Variants in PDAP1 observed in about 807,000 individuals in gnomAD.
The protein encoded by PDAP1 is 28 kDa heat- and acid-stable phosphoprotein.
In PDAP1, 13 loss-of-function variants were observed where a neutral mutation model predicts 28.0. The observed-to-expected ratio is 0.46, with a 90% CI of 0.30 to 0.74. PDAP1 has a LOEUF of 0.74. Ranked by LOEUF, PDAP1 falls within the 30% of genes least tolerant of loss-of-function variation. The pLI is 0.07. For synonymous variants in PDAP1, 77 were observed against 85.1 expected (o/e 0.91, Z 0.52); for missense variants, 150 against 230.0 (o/e 0.65, Z 2.25).
At chr7:99,406,634 T>C in intron 1 of PDAP1, 3 of 984,670 alleles carry the variant, frequency 3.0e-6, no homozygotes, top group Non-Finnish European at 3.6e-6. Context: ...CAAGGTGGCA[T>C]CCCCCTCTGC....
At chr7:99,406,660 C>T (rs1794977261) in intron 1 of PDAP1, 1 of 963,232 alleles carries the variant, frequency 1.0e-6, no homozygotes, top group Non-Finnish European at 1.2e-6. Context: ...CCCAAGTATG[C>T]AAGGGTGGCT....
chr7:99,394,779 TAAAA>T lies in PDAP1; in HGVS notation c.*1899_*1902del, dbSNP rs773085531. ...GTGGAGGTAATAAAATGCAACTGTG[TAAAA>T]AAAAAAAAAAAAAAAAAAGTAATTA... On this transcript the variant is annotated 3_prime_UTR_variant, in exon 6 of 6. Coordinates refer to ENST00000350498, the MANE Select transcript of PDAP1 (RefSeq NM_014891.7). 1,791 of 953,268 alleles carry T rather than the reference TAAAA, an allele frequency of 1.9e-3. No individual in the cohort carries two copies. Among genetic ancestry groups the T allele is most frequent in the East Asian group, 4.0e-3 (65 of 16,370 alleles). The allele number at this position is 953,268 out of a possible 1,614,324, so 59.1% of individuals were successfully genotyped here.
Position 99,395,017 on chromosome 7 carries a change from C to A in PDAP1, c.*1665G>T. On this transcript the variant is annotated 3_prime_UTR_variant, in exon 6 of 6. Coordinates refer to ENST00000350498, the MANE Select transcript of PDAP1 (RefSeq NM_014891.7). ...TGCCAACAAAATTGATCCTGAAGCC[C>A]AACGGCCTTATGCCAAATGGTTCCC... 2 of 226,188 alleles carry A rather than the reference C, an allele frequency of 8.8e-6. No homozygotes were observed. The highest frequency in any genetic ancestry group is 1.6e-5 in the Non-Finnish European group (2 of 127,270). 14.0% of individuals were successfully genotyped at this position (226,188 alleles called of 1,614,324 possible).
chr7:99,406,764 T>C (rs1421416038), intron 1 of PDAP1, among the ~76,000 whole-genome samples: 4 of 152,222 alleles, frequency 2.6e-5, no homozygotes, highest in Admixed American at 2.0e-4. Context: ...AGAGTTGCTC[T>C]GCACTCCAGA....
rs757857148 is a variant in PDAP1, at chr7:99,397,959, G to A, written c.390C>T (p.Ala130=). The change falls in exon 5 of 6, where the codon GCC becomes GCT. Residue 130 remains alanine, a synonymous_variant. Coordinates refer to ENST00000350498, the MANE Select transcript of PDAP1 (RefSeq NM_014891.7). ...CAGCCTTGGCTTGCTCTGTCTTCCC[G>A]GCCAAGTGCATTTTCATGTAACGCT... ...AKERYMKMHL[A]GKTEQAKADL... is the part of the protein sequence containing the mutation. 26 of 1,614,084 alleles carry A rather than the reference G, an allele frequency of 1.6e-5. No individual in the cohort carries two copies. The highest frequency in any genetic ancestry group is 2.2e-5 in the East Asian group (1 of 44,898).
At chr7:99,396,909 G>GGCCCCC (rs1794778752) in intron 5 of PDAP1, among the ~76,000 whole-genome samples, 169 bp from the exon 6 acceptor site, 1 of 151,926 alleles carries the variant, frequency 6.6e-6, no homozygotes, top group Admixed American at 6.6e-5. Context: ...TGTAACCCCG[G>GGCCCCC]GCCCCCCGAC....
In PDAP1 at chr7:99,403,388, A is replaced by G; in HGVS notation, c.213+10T>C. ...AGTCCAGGCTCTAGGCCCTCAAAAG[A>G]ACTCAGTACCTGGTAGTCATCTTCT... is the stretch of plus-strand genomic sequence containing the variant. On this transcript the variant is annotated intron_variant, in intron 3 of 5. Transcript: ENST00000350498. The G allele has an allele frequency of 1.3e-6, 2 of 1,528,674 alleles. No individual in the cohort carries two copies. Among genetic ancestry groups the G allele is most frequent in the Non-Finnish European group, 1.8e-6 (2 of 1,102,110 alleles). 94.7% of individuals were successfully genotyped at this position (1,528,674 alleles called of 1,614,324 possible). A position where few individuals can be genotyped will look rare whatever the true frequency, so the allele number is the denominator to read the frequency against.
chr7:99,403,316 G>T, intron 3 of PDAP1, 82 bp downstream of exon 3: 1 of 823,276 alleles, frequency 1.2e-6, no homozygotes, highest in Non-Finnish European at 2.1e-6. Flanking sequence ...ATCTACCTTT[G>T]GGACTAGTAC....
intron 3 of PDAP1, among the ~76,000 whole-genome samples, 164 bp from the exon 4 acceptor site, chr7:99,400,588 G>A (rs977040393): frequency 6.6e-6 from 1 of 152,144 alleles, no homozygotes; most frequent in Non-Finnish European, 1.5e-5. Context: ...TAGCTCTCTG[G>A]AGCATCTTCA....
chr7:99,400,619 A>G (rs559415601), intron 3 of PDAP1, among the ~76,000 whole-genome samples, 195 bp from the exon 4 acceptor site: 2 of 152,346 alleles, frequency 1.3e-5, no homozygotes, highest in East Asian at 3.9e-4. Context: ...AAGAGCCCAC[A>G]GAACGGCTGC....
chr7:99,407,897 A>C (rs1795014040), intron 1 of PDAP1, among the ~76,000 whole-genome samples: 2 of 152,230 alleles, frequency 1.3e-5, no homozygotes. Flanking sequence ...TTCACTGGGC[A>C]CTTTTAACGA....
At chr7:99,398,990 G>A (rs1264076896) in intron 4 of PDAP1, among the ~76,000 whole-genome samples, 3 of 152,232 alleles carry the variant, frequency 2.0e-5, no homozygotes, top group Admixed American at 2.0e-4. Context: ...ATCTTCCCAA[G>A]CTTGAGATTC....
At chr7:99,397,690 C>T (rs1454675405) in intron 5 of PDAP1, among the ~76,000 whole-genome samples, 172 bp downstream of exon 5, 2 of 152,198 alleles carry the variant, frequency 1.3e-5, no homozygotes, top group Non-Finnish European at 2.9e-5. Flanking sequence ...CCTCCTGGTC[C>T]CCGAGGGAGT....
chr7:99,395,718 G>C lies in PDAP1; in HGVS notation c.*964C>G, dbSNP rs1794742957. 6.6e-6 allele frequency: 1 copy of C among 152,220 alleles called. No individual in the cohort carries two copies. Among genetic ancestry groups the C allele is most frequent in the South Asian group, 2.1e-4 (1 of 4,830 alleles). The allele number at this position is 152,220 out of a possible 1,614,324, so 9.4% of individuals were successfully genotyped here. On this transcript the variant is annotated 3_prime_UTR_variant, in exon 6 of 6. Coordinates refer to ENST00000350498, the MANE Select transcript of PDAP1 (RefSeq NM_014891.7). Reference sequence around the variant, plus strand: ...ACAGGCCAGGCCAGGCCAGGATCCTGGTGCTGCTTCAGCCTACTGTGGCCT... The same window carrying C: ...ACAGGCCAGGCCAGGCCAGGATCCTCGTGCTGCTTCAGCCTACTGTGGCCT...
rs991103119 is a variant in PDAP1, at chr7:99,403,638, G to A, written c.106-133C>T. 3 of 726,420 alleles carry A rather than the reference G, an allele frequency of 4.1e-6. No homozygotes were observed. In the African/African-American group the frequency reaches 5.2e-5, roughly 13 times the overall value. 45.0% of individuals were successfully genotyped at this position (726,420 alleles called of 1,614,324 possible). A position where few individuals can be genotyped will look rare whatever the true frequency, so the allele number is the denominator to read the frequency against. The stretch of plus-strand genomic sequence containing the variant: ...AAGGCTGGAACCAAGGATGACAAGG[G>A]TCCTACTGTGACCCTGGCCCCCAGG... On this transcript the variant is annotated intron_variant, in intron 2 of 5. Transcript: ENST00000350498.
In PDAP1 at chr7:99,408,554, C is replaced by G; in HGVS notation, c.-6G>C. On this transcript the variant is annotated 5_prime_UTR_variant, in exon 1 of 6. Coordinates refer to ENST00000350498, the MANE Select transcript of PDAP1 (RefSeq NM_014891.7). The stretch of plus-strand genomic sequence containing the variant: ...CCCTCACCTCCTTTAGGCATTGCGG[C>G]TCCGGCGGCTGCGGCGGCGGCGGCG... The G allele has an allele frequency of 3.1e-6, 4 of 1,277,340 alleles. No homozygotes were observed. The highest frequency in any genetic ancestry group is 1.5e-5 in the African/African-American group (1 of 64,842). The allele number at this position is 1,277,340 out of a possible 1,614,324, so 79.1% of individuals were successfully genotyped here. A position where few individuals can be genotyped will look rare whatever the true frequency, so the allele number is the denominator to read the frequency against.
At chr7:99,399,089 G>T (rs759512043) in intron 4 of PDAP1, among the ~76,000 whole-genome samples, 15 of 152,116 alleles carry the variant, frequency 9.9e-5, no homozygotes, top group Non-Finnish European at 1.5e-5. Context: ...GGAGGGGAGG[G>T]CCCTGCCTGG....
intron 4 of PDAP1, among the ~76,000 whole-genome samples, chr7:99,399,518 C>T (rs1198096009): frequency 2.6e-5 from 4 of 152,210 alleles, no homozygotes; most frequent in African/African-American, 4.8e-5. Flanking sequence ...CAGAATACCA[C>T]AGTGGCAGAA....
At position 99,394,741 on chromosome 7, in the gene PDAP1, A is replaced by G; in HGVS notation, c.*1941T>C. The stretch of plus-strand genomic sequence containing the variant: ...CCCCAAAGCACTATGCTGGTCATGA[A>G]CTGCTTCAAAATGTGGAGGTAATAA... On this transcript the variant is annotated 3_prime_UTR_variant, in exon 6 of 6. Coordinates refer to ENST00000350498, the MANE Select transcript of PDAP1 (RefSeq NM_014891.7). The G allele has an allele frequency of 8.1e-7, 1 of 1,234,938 alleles. No individual in the cohort carries two copies. Among genetic ancestry groups the G allele is most frequent in the Non-Finnish European group, 1.0e-6 (1 of 992,016 alleles). 76.5% of individuals were successfully genotyped at this position (1,234,938 alleles called of 1,614,324 possible). A position where few individuals can be genotyped will look rare whatever the true frequency, so the allele number is the denominator to read the frequency against.
Sources: gnomAD v4.1 joint callset for allele counts (sites outside exome capture counted in the v4.1 genomes callset) on GRCh38, gnomAD v4.1.1 for gene constraint, MANE v1.5 for transcripts, NCBI Gene and HGNC (gene_info 2026-07-23, HGNC 2026-07-21) for gene names.